GNG4: variants seen among roughly 807,000 people sequenced by gnomAD.
GNG4 encodes guanine nucleotide-binding protein G(I)/G(S)/G(O) subunit gamma-4.
In GNG4, 4 loss-of-function variants were observed where a neutral mutation model predicts 5.8. The observed-to-expected ratio is 0.69, with a 90% CI of 0.34 to 1.57. The LOEUF (loss-of-function observed/expected upper bound fraction) is 1.57, where lower values mean the gene tolerates loss of function less well. GNG4 is among the 40% of genes most tolerant of loss of function. The probability of loss-of-function intolerance (pLI) is 0.06; values close to 1 mark genes in which losing one functional copy is unlikely to be tolerated. For missense variants in GNG4, 96 were observed against 95.1 expected (o/e 1.01, Z -0.04); for synonymous variants, 29 against 32.9 (o/e 0.88, Z 0.41).
chr1:235,571,130 A>G (rs1011803559), intron 3 of GNG4, among the ~76,000 whole-genome samples: 3 of 152,090 alleles, frequency 2.0e-5, no homozygotes, highest in African/African-American at 7.2e-5. Flanking sequence ...ACAATAGAAA[A>G]TTGGGTAAAC....
intron 2 of GNG4, chr1:235,588,771 C>T (rs1687889685): frequency 6.6e-6 from 1 of 152,310 alleles, no homozygotes; most frequent in African/African-American, 2.4e-5. Context: ...AGCAGAGGAC[C>T]TCAGCCCCTC....
rs1330635035 is a variant in GNG4 at position 235,561,403 on chromosome 1, TCTCTCTA to T, written c.100-9173_100-9167del. 3.5e-3 allele frequency among the ~76,000 whole-genome samples: 527 copies of T among 152,226 alleles called. 5 individuals carry two copies. The highest frequency in any genetic ancestry group is 0.012 in the African/African-American group (508 of 41,536). On this transcript the variant is annotated intron_variant, in intron 3 of 3. Coordinates refer to ENST00000391854, the MANE Select transcript of GNG4 (RefSeq NM_001098722.2). ...CTCTCTTGCACGCGCTCGCGCTCTC[TCTCTCTA>T]TATATATACATTTTTTTTTTCTAGA...
At chr1:235,568,170 A>AC (rs1687247005) in intron 3 of GNG4, among the ~76,000 whole-genome samples, 1 of 137,404 alleles carries the variant, frequency 7.3e-6, no homozygotes, top group Non-Finnish European at 1.6e-5. Flanking sequence ...TTTTTTTTTA[A>AC]ACCTATGACT....
chr1:235,600,129 T>TTA (rs1289825136), intron 1 of GNG4, among the ~76,000 whole-genome samples: 3 of 113,016 alleles, frequency 2.7e-5, no homozygotes, highest in African/African-American at 1.0e-4. Flanking sequence ...TTTTTTTTTT[T>TTA]AGACAGGCAG....
intron 3 of GNG4, among the ~76,000 whole-genome samples, chr1:235,572,390 G>T (rs1003213327): frequency 6.6e-6 from 1 of 152,054 alleles, no homozygotes; most frequent in African/African-American, 2.4e-5. Flanking sequence ...AGTAGAGACG[G>T]GGTTTCACCA....
At chr1:235,592,098 T>C (rs967852963) in intron 2 of GNG4, among the ~76,000 whole-genome samples, 2 of 152,222 alleles carry the variant, frequency 1.3e-5, no homozygotes, top group Non-Finnish European at 2.9e-5. Context: ...TCTTAACATA[T>C]GTCTCTGAGT....
chr1:235,592,957 T>G (rs1417136337), intron 2 of GNG4, among the ~76,000 whole-genome samples: 1 of 151,776 alleles, frequency 6.6e-6, no homozygotes, highest in African/African-American at 2.4e-5. Flanking sequence ...ATTTTTTTTT[T>G]TTTTTTTTGA....
intron 1 of GNG4, among the ~76,000 whole-genome samples, chr1:235,619,133 T>TA (rs71496930): frequency 0.01 from 492 of 49,034 alleles, 21 homozygotes; most frequent in African/African-American, 0.024. Flanking sequence ...ACGCTGTCTC[T>TA]AAAAAAAAAA....
chr1:235,604,761 T>A (rs1392996495), intron 1 of GNG4, among the ~76,000 whole-genome samples: 1 of 152,196 alleles, frequency 6.6e-6, no homozygotes. Context: ...AAGTTCTGGA[T>A]ATATATGAAT....
chr1:235,640,773 A>G (rs1657303480), intron 1 of GNG4, among the ~76,000 whole-genome samples: 1 of 152,176 alleles, frequency 6.6e-6, no homozygotes, highest in African/African-American at 2.4e-5. Flanking sequence ...CTCCAGGAAG[A>G]GTCAAATTGC....
At chr1:235,647,856 G>A (rs188430192) in intron 1 of GNG4, among the ~76,000 whole-genome samples, 5 of 152,190 alleles carry the variant, frequency 3.3e-5, no homozygotes, top group African/African-American at 4.8e-5. Flanking sequence ...GGCCGGTATC[G>A]GACTCCTGAC....
At chr1:235,595,599 C>A (rs371323067) in intron 1 of GNG4, 88 bp from the exon 2 acceptor site, 1 of 152,396 alleles carries the variant, frequency 6.6e-6, no homozygotes, top group Non-Finnish European at 1.5e-5. Flanking sequence ...CCCATGGTTC[C>A]CCTCTCCTCA....
At chr1:235,623,745 G>T (rs138931846) in intron 1 of GNG4, among the ~76,000 whole-genome samples, 2 of 152,088 alleles carry the variant, frequency 1.3e-5, no homozygotes, top group African/African-American at 4.8e-5. Context: ...AATTCAGAGC[G>T]GGGGGTGCCT....
At chr1:235,636,639 C>T (rs1689045235) in intron 1 of GNG4, among the ~76,000 whole-genome samples, 1 of 152,130 alleles carries the variant, frequency 6.6e-6, no homozygotes, top group Admixed American at 6.5e-5. Flanking sequence ...TGTTGGTGAG[C>T]CTCAATCACA....
intron 1 of GNG4, among the ~76,000 whole-genome samples, chr1:235,610,080 C>T (rs187085071): frequency 6.6e-6 from 1 of 152,166 alleles, no homozygotes; most frequent in African/African-American, 2.4e-5. Context: ...TAATGCCCTG[C>T]ACGGTAGTAA....
intron 1 of GNG4, among the ~76,000 whole-genome samples, chr1:235,631,748 A>G (rs910649071): frequency 6.8e-6 from 1 of 147,384 alleles, no homozygotes; most frequent in Non-Finnish European, 1.5e-5. Context: ...TTGTATTTTT[A>G]GTAGAGATGG....
intron 1 of GNG4, among the ~76,000 whole-genome samples, chr1:235,646,938 T>G (rs1657525678): frequency 6.6e-6 from 1 of 152,210 alleles, no homozygotes; most frequent in African/African-American, 2.4e-5. Context: ...AAAATTTCAT[T>G]TGTGTTTTTA....
At chr1:235,632,823 CAAAAAG>C (rs1007744711) in intron 1 of GNG4, among the ~76,000 whole-genome samples, 1 of 151,710 alleles carries the variant, frequency 6.6e-6, no homozygotes, top group African/African-American at 2.4e-5. Flanking sequence ...AAAACAAAAG[CAAAAAG>C]AAAAAGAAAA....
intron 3 of GNG4, among the ~76,000 whole-genome samples, chr1:235,557,563 G>T (rs1686949937): frequency 1.3e-5 from 2 of 151,952 alleles, no homozygotes; most frequent in Non-Finnish European, 2.9e-5. Context: ...AATCCAGCTG[G>T]TCAGAAGTTG....
Sources: gnomAD v4.1 joint callset for allele counts (sites outside exome capture counted in the v4.1 genomes callset) on GRCh38, gnomAD v4.1.1 for gene constraint, MANE v1.5 for transcripts, NCBI Gene and HGNC (gene_info 2026-07-23, HGNC 2026-07-21) for gene names.